Variants in CPEB3 observed in about 807,000 individuals in gnomAD.
CPEB3 encodes the protein cytoplasmic polyadenylation element binding protein 3, also known as cytoplasmic polyadenylation element-binding protein 3.
Under a neutral mutation model 67.2 loss-of-function variants are expected in CPEB3, and 20 were observed. That is an observed-to-expected ratio of 0.30 (90% CI 0.21 to 0.43). The LOEUF (loss-of-function observed/expected upper bound fraction) is 0.43. Among genes scored for constraint, CPEB3 ranks in the 20% least tolerant of loss-of-function variants. The pLI is 1.00. For synonymous variants in CPEB3, 376 were observed against 393.1 expected, an observed-to-expected ratio of 0.96 and a Z score of 0.51; for missense variants, 746 against 968.6, an observed-to-expected ratio of 0.77 and a Z score of 3.05.
At chr10:92,214,675 G>A (rs751621654) in intron 2 of CPEB3, among the ~76,000 whole-genome samples, 1 of 151,832 alleles carries the variant, frequency 6.6e-6, no homozygotes, top group Non-Finnish European at 1.5e-5. Context: ...TACTAGAGAT[G>A]AGGTTTCACC....
At chr10:92,254,664 T>G (rs1852444171) in intron 1 of CPEB3, among the ~76,000 whole-genome samples, 1 of 152,062 alleles carries the variant, frequency 6.6e-6, no homozygotes, top group Admixed American at 6.6e-5. Context: ...ACATTTTTCT[T>G]TTTATACAGA....
At position 92,180,973 on chromosome 10, in the gene CPEB3, C is replaced by T. The variant is rs753165597; in HGVS notation, c.1212G>A (p.Met404Ile). ...CATATGAAGACTTACTGTTAAGTGC[C>T]ATAATATTATCTGTTCCTGGATGAT... Reference protein sequence around the residue: ...NFHHPGTDNIMALNNAFLDDS... With the variant: ...NFHHPGTDNIIALNNAFLDDS... The change falls in exon 4 of 10, where the codon ATG becomes ATA. Residue 404 changes from methionine (M) to isoleucine (I), a missense_variant. By Grantham distance (10) the Met-to-Ile change is conservative. Coordinates refer to ENST00000265997, the MANE Select transcript of CPEB3 (RefSeq NM_014912.5). The T allele has an allele frequency of 1.4e-6, 2 of 1,478,776 alleles. No homozygotes were observed. The highest frequency in any genetic ancestry group is 1.1e-5 in the South Asian group (1 of 87,670). The allele number at this position is 1,478,776 out of a possible 1,614,324, so 91.6% of individuals were successfully genotyped here.
intron 2 of CPEB3, among the ~76,000 whole-genome samples, chr10:92,203,531 T>A (rs1487772258): frequency 2.7e-5 from 4 of 148,052 alleles, no homozygotes; most frequent in East Asian, 3.9e-4. Context: ...TATATATATT[T>A]TTTTTTTAGA....
chr10:92,265,037 C>T (rs1852990026), intron 1 of CPEB3, among the ~76,000 whole-genome samples: 1 of 151,800 alleles, frequency 6.6e-6, no homozygotes, highest in Admixed American at 6.6e-5. Flanking sequence ...TGGTGTGCGC[C>T]TGTGGTCCCA....
At chr10:92,105,798 C>T (rs1844419488) in intron 7 of CPEB3, among the ~76,000 whole-genome samples, 1 of 149,252 alleles carries the variant, frequency 6.7e-6, no homozygotes, top group Non-Finnish European at 1.5e-5. Flanking sequence ...CAGCTCACTG[C>T]AACCTCTGCC....
chr10:92,071,925 T>C (rs1842768616), intron 9 of CPEB3, among the ~76,000 whole-genome samples: 1 of 152,198 alleles, frequency 6.6e-6, no homozygotes, highest in African/African-American at 2.4e-5. Flanking sequence ...TAAGAGTTCA[T>C]TTGGCATCAC....
chr10:92,137,716 C>T (rs190914009), intron 6 of CPEB3: 46 of 421,676 alleles, frequency 1.1e-4, no homozygotes, highest in Middle Eastern at 1.3e-3. Flanking sequence ...TGGATTGGCT[C>T]GGCTGGGTGC....
chr10:92,270,048 G>A (rs1030594581), intron 1 of CPEB3, among the ~76,000 whole-genome samples: 2 of 151,738 alleles, frequency 1.3e-5, no homozygotes, highest in Non-Finnish European at 2.9e-5. Flanking sequence ...TGGGGGGGAA[G>A]GTAAGAGGAT....
chr10:92,180,077 C>A (rs995527266), intron 4 of CPEB3, among the ~76,000 whole-genome samples: 1 of 152,108 alleles, frequency 6.6e-6, no homozygotes, highest in African/African-American at 2.4e-5. Context: ...TGAAAATGAA[C>A]AATTTCCATT....
At chr10:92,226,606 T>C (rs1850986046) in intron 2 of CPEB3, among the ~76,000 whole-genome samples, 1 of 152,226 alleles carries the variant, frequency 6.6e-6, no homozygotes, top group Admixed American at 6.5e-5. Flanking sequence ...GAAAAGGTCC[T>C]TGCCCTTGTG....
chr10:92,226,144 GT>G (rs1190048959), intron 2 of CPEB3, among the ~76,000 whole-genome samples: 2 of 152,126 alleles, frequency 1.3e-5, no homozygotes, highest in African/African-American at 2.4e-5. Context: ...TTTTATCTGT[GT>G]TTTTTCCCTC....
chr10:92,124,522 T>C (rs1845527159), intron 6 of CPEB3, among the ~76,000 whole-genome samples: 1 of 152,154 alleles, frequency 6.6e-6, no homozygotes, highest in African/African-American at 2.4e-5. Context: ...CCTTCCTGGG[T>C]ATGAAAATCA....
chr10:92,107,898 A>C (rs1365238939), intron 7 of CPEB3, among the ~76,000 whole-genome samples: 2 of 152,220 alleles, frequency 1.3e-5, no homozygotes, highest in South Asian at 2.1e-4. Flanking sequence ...AATAAGAAGT[A>C]GTCACTGATG....
intron 2 of CPEB3, among the ~76,000 whole-genome samples, chr10:92,234,421 T>G (rs778714849): frequency 5.2e-4 from 79 of 152,196 alleles, no homozygotes; most frequent in African/African-American, 6.8e-4. Flanking sequence ...AATACAAAAT[T>G]TTTTAAAAAC....
At chr10:92,253,481 A>AG (rs372126461) in intron 1 of CPEB3, among the ~76,000 whole-genome samples, 5,462 of 144,612 alleles carry the variant, frequency 0.038, 124 homozygotes, top group Non-Finnish European at 0.058. Flanking sequence ...AAAAAAAAAA[A>AG]AAAGAAAAGA....
At chr10:92,172,140 T>A (rs956585829) in intron 4 of CPEB3, among the ~76,000 whole-genome samples, 16 of 152,152 alleles carry the variant, frequency 1.1e-4, no homozygotes, top group South Asian at 6.2e-4. Flanking sequence ...TACAAAAAAA[T>A]TTTAAAAATA....
intron 1 of CPEB3, among the ~76,000 whole-genome samples, chr10:92,242,854 T>C (rs1239053991): frequency 6.6e-6 from 1 of 152,224 alleles, no homozygotes. Flanking sequence ...TTTTGCTTTC[T>C]GCATAAATTC....
At chr10:92,069,285 T>G (rs1421821085) in intron 9 of CPEB3, among the ~76,000 whole-genome samples, 1 of 152,096 alleles carries the variant, frequency 6.6e-6, no homozygotes, top group Admixed American at 6.5e-5. Context: ...AAAAAAAGAT[T>G]AAATATATTA....
chr10:92,273,234 A>G lies in CPEB3; in HGVS notation c.-12+17692T>C, dbSNP rs546611637. Among the ~76,000 whole-genome samples the G allele has an allele frequency of 4.9e-4, 75 of 152,254 alleles. 1 individual carries two copies. The highest frequency in any genetic ancestry group is 1.8e-3 in the African/African-American group (73 of 41,552). On this transcript the variant is annotated intron_variant, in intron 1 of 9. Transcript: ENST00000265997. ...ATCTATGCCCTTTGTCTAGATCCAT[A>G]TATTGTAAATATGTGACTACTACAT...
Sources: gnomAD v4.1 joint callset for allele counts (sites outside exome capture counted in the v4.1 genomes callset) on GRCh38, gnomAD v4.1.1 for gene constraint, MANE v1.5 for transcripts, NCBI Gene and HGNC (gene_info 2026-07-23, HGNC 2026-07-21) for gene names.